NDNF: variants seen among roughly 807,000 people sequenced by gnomAD.
The protein encoded by NDNF is neuron derived neurotrophic factor.
NDNF carries 16 observed loss-of-function variants against 42.0 expected under a neutral mutation model. The ratio of observed to expected loss-of-function variants is 0.38; its 90% CI spans 0.26 to 0.58. The LOEUF is 0.58. NDNF is among the 20% of genes least tolerant of loss of function. The probability of loss-of-function intolerance (pLI) is 0.67; values close to 1 mark genes in which losing one functional copy is unlikely to be tolerated. For missense variants in NDNF, 616 were observed against 666.2 expected, an observed-to-expected ratio of 0.92 and a Z score of 0.83; for synonymous variants, 248 against 251.7, an observed-to-expected ratio of 0.99 and a Z score of 0.14.
At chr4:121,062,659 C>T (rs1727432434) in intron 1 of NDNF, among the ~76,000 whole-genome samples, 1 of 152,162 alleles carries the variant, frequency 6.6e-6, no homozygotes, top group African/African-American at 2.4e-5. Flanking sequence ...CCTTTCCCCC[C>T]CAAGGAAGTA....
At chr4:121,047,888 A>G (rs1727121530) in intron 1 of NDNF, among the ~76,000 whole-genome samples, 1 of 152,126 alleles carries the variant, frequency 6.6e-6, no homozygotes, top group South Asian at 2.1e-4. Context: ...TGTCAGTGGG[A>G]GCTCATGAGA....
chr4:121,041,802 G>A (rs960741150), intron 2 of NDNF, among the ~76,000 whole-genome samples: 6 of 152,142 alleles, frequency 3.9e-5, no homozygotes, highest in Admixed American at 1.3e-4. Context: ...TGTGAGTTGG[G>A]GCAAAGGAGT....
In NDNF at chr4:121,040,149, T is replaced by TG. The variant is rs397796482; in HGVS notation, c.189-96_189-95insC. The TG allele has an allele frequency of 4.8e-6, 6 of 1,262,896 alleles. No individual in the cohort carries two copies. In the Admixed American group the frequency reaches 1.6e-4, roughly 33 times the overall value. 78.2% of individuals were successfully genotyped at this position (1,262,896 alleles called of 1,614,324 possible). A position where few individuals can be genotyped will look rare whatever the true frequency, so the allele number is the denominator to read the frequency against. On this transcript the variant is annotated intron_variant, in intron 2 of 3. Coordinates refer to ENST00000379692, the MANE Select transcript of NDNF (RefSeq NM_024574.4). The stretch of plus-strand genomic sequence containing the variant: ...AAATCATTTGGTTTTAATTTTTTTT[T>TG]CATTTTATAAATTTTATAAAATTTT...
In NDNF at chr4:121,042,152, T is replaced by C. The variant is rs138491677; in HGVS notation, c.189-2098A>G. 2.6e-4 allele frequency among the ~76,000 whole-genome samples: 39 copies of C among 152,346 alleles called. No homozygotes were observed. The East Asian group carries it at 5.2e-3, about 20-fold the overall frequency. On this transcript the variant is annotated intron_variant, in intron 2 of 3. Transcript: ENST00000379692. The stretch of plus-strand genomic sequence containing the variant: ...TGTCATTTTCCTCACAAGGGCCCTG[T>C]TAGGGTTCATTTATCACGCCTTTGT...
chr4:121,060,129 T>C (rs1418879237), intron 1 of NDNF, among the ~76,000 whole-genome samples: 1 of 152,188 alleles, frequency 6.6e-6, no homozygotes, highest in Admixed American at 6.5e-5. Flanking sequence ...CTAAGAACTA[T>C]TATTATATCC....
Position 121,036,703 on chromosome 4 carries a change from C to G in NDNF, c.1268G>C (p.Gly423Ala). Reference sequence around the variant, plus strand: ...CAACATAGATGCTCCTTTCTTGTTTCCTTTCAGTCGAACGAGGTATTTAGC... The same window carrying G: ...CAACATAGATGCTCCTTTCTTGTTTGCTTTCAGTCGAACGAGGTATTTAGC... ...PKAKYLVRLK[G>A]NKKGASMLKI... The change falls in exon 4 of 4, where the codon GGA becomes GCA. Residue 423 changes from glycine to alanine, a missense_variant. Physicochemically the swap from Gly to Ala is moderately conservative, Grantham distance 60 (BLOSUM62 0). Transcript: ENST00000379692. 6.2e-7 allele frequency: 1 copy of G among 1,614,096 alleles called. No homozygotes were observed. The highest frequency in any genetic ancestry group is 8.5e-7 in the Non-Finnish European group (1 of 1,180,012).
intron 2 of NDNF, among the ~76,000 whole-genome samples, chr4:121,044,113 G>T (rs943357055): frequency 6.6e-6 from 1 of 152,118 alleles, no homozygotes; most frequent in African/African-American, 2.4e-5. Flanking sequence ...TTTTACTCGA[G>T]CAGTGCCAAA....
At position 121,036,785 on chromosome 4, in the gene NDNF, G is replaced by A; in HGVS notation, c.1186C>T (p.Leu396Phe). 6.2e-7 allele frequency: 1 copy of A among 1,614,142 alleles called. No individual in the cohort carries two copies. Among genetic ancestry groups the A allele is most frequent in the Non-Finnish European group, 8.5e-7 (1 of 1,180,028 alleles). ...ATGCCTTCCACATTCTGAGACAGAA[G>A]AAGTTTCCCATCTCTTCTCACTTGG... ...QIQVRRDGKL[L>F]LSQNVEGIQQ... The change falls in exon 4 of 4, where the codon CTT becomes TTT. Residue 396 changes from leucine to phenylalanine, a missense_variant. Physicochemically the swap from Leu to Phe is conservative, Grantham distance 22 (BLOSUM62 0). Coordinates refer to ENST00000379692, the MANE Select transcript of NDNF (RefSeq NM_024574.4).
chr4:121,055,737 T>G (rs1727282421), intron 1 of NDNF, among the ~76,000 whole-genome samples: 1 of 152,104 alleles, frequency 6.6e-6, no homozygotes, highest in South Asian at 2.1e-4. Flanking sequence ...ATTATCATGG[T>G]GGGAAATGGG....
intron 1 of NDNF, among the ~76,000 whole-genome samples, chr4:121,070,646 T>G (rs762880942): frequency 6.6e-6 from 1 of 152,156 alleles, no homozygotes; most frequent in Non-Finnish European, 1.5e-5. Flanking sequence ...AAACTCTTCT[T>G]TGTGATTTAG....
intron 1 of NDNF, among the ~76,000 whole-genome samples, chr4:121,048,875 A>T (rs1482276214): frequency 1.3e-5 from 2 of 152,134 alleles, no homozygotes; most frequent in African/African-American, 4.8e-5. Flanking sequence ...AATATTAATA[A>T]ATTTTGTTGT....
At chr4:121,053,516 T>C (rs189438443) in intron 1 of NDNF, among the ~76,000 whole-genome samples, 15 of 152,288 alleles carry the variant, frequency 9.8e-5, no homozygotes, top group African/African-American at 3.4e-4. Flanking sequence ...AAATGTCTCA[T>C]AGATAGGAGT....
chr4:121,052,915 G>T (rs73845684), intron 1 of NDNF, among the ~76,000 whole-genome samples: 2,718 of 152,290 alleles, frequency 0.018, 79 homozygotes, highest in African/African-American at 0.062. Context: ...CCTGAAAAGG[G>T]AGAAATAAAG....
At chr4:121,054,416 G>A (rs942984293) in intron 1 of NDNF, among the ~76,000 whole-genome samples, 1 of 152,220 alleles carries the variant, frequency 6.6e-6, no homozygotes, top group African/African-American at 2.4e-5. Context: ...CAGGAAGTGA[G>A]TGTTCTAGTG....
chr4:121,040,400 A>G (rs1471006901), intron 2 of NDNF, among the ~76,000 whole-genome samples: 1 of 152,206 alleles, frequency 6.6e-6, no homozygotes, highest in Non-Finnish European at 1.5e-5. Flanking sequence ...AGGCCCCGCC[A>G]CTGCAAAATA....
chr4:121,063,042 C>T (rs1474306536), intron 1 of NDNF, among the ~76,000 whole-genome samples: 1 of 151,914 alleles, frequency 6.6e-6, no homozygotes, highest in African/African-American at 2.4e-5. Context: ...TTTATAGGCG[C>T]TCTTGTTTTG....
rs201759555 is a variant in NDNF at position 121,037,421 on chromosome 4, C to T, written c.550G>A (p.Val184Met). 6.2e-7 allele frequency: 1 copy of T among 1,614,166 alleles called. No homozygotes were observed. The highest frequency in any genetic ancestry group is 1.3e-5 in the African/African-American group (1 of 75,042). Residue 184 changes from valine to methionine, a missense_variant, in exon 4 of 4, where the codon GTG becomes ATG. Transcript: ENST00000379692. ...ACCGTGGTGCGCCCCAGTGAGGTCA[C>T]ATCTACTCTTGGGTCATAGGGTAAC... is the stretch of plus-strand genomic sequence containing the variant. Reference protein sequence around the residue: ...PELPYDPRVDVTSLGRTTVTL... With the variant: ...PELPYDPRVDMTSLGRTTVTL...
intron 1 of NDNF, among the ~76,000 whole-genome samples, chr4:121,067,019 G>A (rs1579324175): frequency 1.3e-5 from 2 of 152,146 alleles, no homozygotes; most frequent in Non-Finnish European, 1.5e-5. Context: ...GAAAGCAAAC[G>A]TGCATGCATG....
intron 1 of NDNF, among the ~76,000 whole-genome samples, chr4:121,066,298 G>A (rs1727498633): frequency 6.6e-6 from 1 of 152,148 alleles, no homozygotes; most frequent in Admixed American, 6.5e-5. Context: ...CTTAGCTAGC[G>A]CTGGTGTTTC....
Sources: gnomAD v4.1 joint callset for allele counts (sites outside exome capture counted in the v4.1 genomes callset) on GRCh38, gnomAD v4.1.1 for gene constraint, MANE v1.5 for transcripts, NCBI Gene and HGNC (gene_info 2026-07-23, HGNC 2026-07-21) for gene names.